The following CLSTN2 variants were observed in gnomAD, a reference collection of about 807,000 sequenced individuals.
CLSTN2 encodes the protein calsyntenin 2.
CLSTN2 carries 48 observed loss-of-function variants against 101.2 expected under a neutral mutation model. The observed-to-expected ratio is 0.47, with a 90% confidence interval of 0.38 to 0.60. CLSTN2 has a LOEUF of 0.60. Ranked by LOEUF, CLSTN2 falls within the 20% of genes least tolerant of loss-of-function variation. CLSTN2 has a pLI of 0.00. For missense variants in CLSTN2, 1,160 were observed against 1,238.2 expected, an observed-to-expected ratio of 0.94 and a Z score of 0.95; for synonymous variants, 481 against 463.6, an observed-to-expected ratio of 1.04 and a Z score of -0.48.
At chr3:140,137,290 A>G (rs1017501543) in intron 1 of CLSTN2, among the ~76,000 whole-genome samples, 3 of 152,078 alleles carry the variant, frequency 2.0e-5, no homozygotes, top group Non-Finnish European at 4.4e-5. Flanking sequence ...CAAATATAGG[A>G]TTCTTTTGAT....
intron 5 of CLSTN2, among the ~76,000 whole-genome samples, chr3:140,436,459 T>C (rs765810789): frequency 3.3e-5 from 5 of 152,246 alleles, no homozygotes; most frequent in Non-Finnish European, 7.3e-5. Context: ...ATGAAGTAAG[T>C]AGATCGAACT....
At chr3:140,208,688 G>C (rs1390046423) in intron 2 of CLSTN2, among the ~76,000 whole-genome samples, 1 of 152,088 alleles carries the variant, frequency 6.6e-6, no homozygotes, top group African/African-American at 2.4e-5. Context: ...TTAATTCTAA[G>C]GTTGCATTTT....
In CLSTN2 at chr3:140,404,909, C is replaced by T. The variant is rs1269517838; in HGVS notation, c.637+143C>T. ...GGTCTAAGCTCCATAACCCAGAGCTCAGTCCCACACTTGAGGGAATGGCCT... is the reference window on the plus strand; with the variant it reads ...GGTCTAAGCTCCATAACCCAGAGCTTAGTCCCACACTTGAGGGAATGGCCT... On this transcript the variant is annotated intron_variant, in intron 4 of 16. Transcript: ENST00000458420. The T allele has an allele frequency of 7.1e-6, 5 of 702,156 alleles. No homozygotes were observed. In the Admixed American group the frequency reaches 1.2e-4, roughly 17 times the overall value. 43.5% of individuals were successfully genotyped at this position (702,156 alleles called of 1,614,324 possible). A position where few individuals can be genotyped will look rare whatever the true frequency, so the allele number is the denominator to read the frequency against.
chr3:140,532,707 T>C (rs1237931438), intron 9 of CLSTN2, among the ~76,000 whole-genome samples: 1 of 152,246 alleles, frequency 6.6e-6, no homozygotes, highest in Non-Finnish European at 1.5e-5. Context: ...TAGATCGACA[T>C]GAGCAGTTTC....
chr3:140,149,450 G>T (rs2009828875), intron 1 of CLSTN2, among the ~76,000 whole-genome samples: 1 of 107,474 alleles, frequency 9.3e-6, no homozygotes, highest in South Asian at 4.0e-4. Context: ...TAACTCGAAT[G>T]TCAGATAAAT....
At chr3:140,076,625 GTTTTTT>G (rs35645750) in intron 1 of CLSTN2, among the ~76,000 whole-genome samples, 7 of 38,062 alleles carry the variant, frequency 1.8e-4, no homozygotes, top group East Asian at 9.0e-4. Context: ...CACCAGCAGT[GTTTTTT>G]TTTTTTTTTT....
At chr3:140,293,855 G>A (rs1286760404) in intron 2 of CLSTN2, among the ~76,000 whole-genome samples, 1 of 152,040 alleles carries the variant, frequency 6.6e-6, no homozygotes, top group Non-Finnish European at 1.5e-5. Flanking sequence ...CCTTTCCTTT[G>A]TCTACACTAT....
Position 140,574,456 on chromosome 3 carries a change from C to T in CLSTN2, c.*8203C>T, listed in dbSNP as rs998411709. The T allele has an allele frequency of 3.9e-5, 6 of 152,186 alleles. No individual in the cohort carries two copies. Among genetic ancestry groups the T allele is most frequent in the African/African-American group, 1.4e-4 (6 of 41,438 alleles). 9.4% of individuals were successfully genotyped at this position (152,186 alleles called of 1,614,324 possible). A position where few individuals can be genotyped will look rare whatever the true frequency, so the allele number is the denominator to read the frequency against. On this transcript the variant is annotated 3_prime_UTR_variant, in exon 17 of 17. Coordinates refer to ENST00000458420, the MANE Select transcript of CLSTN2 (RefSeq NM_022131.3). ...AGCATCCCAACTGAGGAGAGAAAAC[C>T]CTAATTTGTTAATGACCCAGCCTTG...
intron 1 of CLSTN2, among the ~76,000 whole-genome samples, chr3:140,107,320 C>A (rs1479812368): frequency 6.6e-6 from 1 of 152,182 alleles, no homozygotes; most frequent in East Asian, 1.9e-4. Context: ...TATGAAAGGG[C>A]ATCTCTTTTC....
intron 1 of CLSTN2, among the ~76,000 whole-genome samples, chr3:140,000,309 A>G (rs1446650436): frequency 6.6e-6 from 1 of 152,232 alleles, no homozygotes; most frequent in African/African-American, 2.4e-5. Context: ...CCTGAGGAAG[A>G]TATTTAGTTA....
chr3:140,451,601 G>A (rs1000831431), intron 6 of CLSTN2, among the ~76,000 whole-genome samples: 4 of 152,180 alleles, frequency 2.6e-5, no homozygotes, highest in Admixed American at 6.5e-5. Flanking sequence ...AAGGGTGAAA[G>A]CAAATGAGTG....
intron 2 of CLSTN2, among the ~76,000 whole-genome samples, chr3:140,303,902 A>G (rs2087086156): frequency 6.6e-6 from 1 of 151,852 alleles, no homozygotes; most frequent in East Asian, 1.9e-4. Context: ...GCACTTTAAA[A>G]ATCTAGGATG....
Position 140,136,255 on chromosome 3 carries a change from C to A in CLSTN2, c.110-39696C>A, listed in dbSNP as rs567224039. On this transcript the variant is annotated intron_variant, in intron 1 of 16. Coordinates refer to ENST00000458420, the MANE Select transcript of CLSTN2 (RefSeq NM_022131.3). ...ATTCTTGCGATATTTGTAGCTGGCA[C>A]TAATGTGGTTTTGTAGTTAGAGGAT... Among the ~76,000 whole-genome samples, 9 of 152,242 alleles carry A rather than the reference C, an allele frequency of 5.9e-5. No homozygotes were observed. The South Asian group carries it at 1.9e-3, about 32-fold the overall frequency.
At chr3:140,215,576 C>A (rs1226749344) in intron 2 of CLSTN2, among the ~76,000 whole-genome samples, 1 of 152,126 alleles carries the variant, frequency 6.6e-6, no homozygotes, top group Non-Finnish European at 1.5e-5. Flanking sequence ...ACCTGAGACT[C>A]CTTGCTTATT....
At chr3:140,147,291 C>A (rs935572294) in intron 1 of CLSTN2, among the ~76,000 whole-genome samples, 3 of 152,210 alleles carry the variant, frequency 2.0e-5, no homozygotes, top group African/African-American at 7.2e-5. Flanking sequence ...GACCTTCTTG[C>A]TTTATGCCCA....
At chr3:139,947,888 A>T (rs1935237944) in intron 1 of CLSTN2, among the ~76,000 whole-genome samples, 1 of 151,290 alleles carries the variant, frequency 6.6e-6, no homozygotes, top group African/African-American at 2.4e-5. Flanking sequence ...CCTCCTTTCC[A>T]TGCCAATCTT....
intron 2 of CLSTN2, among the ~76,000 whole-genome samples, chr3:140,333,699 T>A (rs1170198904): frequency 6.6e-6 from 1 of 152,012 alleles, no homozygotes; most frequent in Non-Finnish European, 1.5e-5. Flanking sequence ...TGTGTGTGTG[T>A]GTGTGTGTGT....
At chr3:140,272,125 C>T (rs1382532264) in intron 2 of CLSTN2, among the ~76,000 whole-genome samples, 1 of 152,176 alleles carries the variant, frequency 6.6e-6, no homozygotes, top group African/African-American at 2.4e-5. Context: ...GGATAAAGGA[C>T]AACCTTCTCT....
intron 2 of CLSTN2, among the ~76,000 whole-genome samples, chr3:140,207,507 G>A (rs1170932065): frequency 3.9e-5 from 6 of 152,070 alleles, no homozygotes; most frequent in African/African-American, 1.4e-4. Context: ...GCTTTCCTCA[G>A]GAACTTGTTT....
Sources: gnomAD v4.1 joint callset for allele counts (sites outside exome capture counted in the v4.1 genomes callset) on GRCh38, gnomAD v4.1.1 for gene constraint, MANE v1.5 for transcripts, NCBI Gene and HGNC (gene_info 2026-07-23, HGNC 2026-07-21) for gene names.